The following PRPF3 variants were observed in gnomAD, a reference collection of about 807,000 sequenced individuals.
The protein encoded by PRPF3 is pre-mRNA processing factor 3.
PRPF3 carries 3 observed loss-of-function variants against 89.2 expected under a neutral mutation model. The observed-to-expected ratio is 0.03, with a 90% confidence interval of 0.02 to 0.09. PRPF3 has a LOEUF of 0.09. Among genes scored for constraint, PRPF3 ranks in the 10% least tolerant of loss-of-function variants. The pLI, the probability that PRPF3 is intolerant of heterozygous loss-of-function variation, is 1.00. For synonymous variants in PRPF3, 270 were observed against 289.1 expected, an observed-to-expected ratio of 0.93 and a Z score of 0.67; for missense variants, 463 against 828.8, an observed-to-expected ratio of 0.56 and a Z score of 5.42.
At chr1:150,334,139 T>G in intron 6 of PRPF3, among the ~76,000 whole-genome samples, 1 of 151,942 alleles carries the variant, frequency 6.6e-6, no homozygotes, top group Middle Eastern at 3.4e-3. Context: ...ACCCCATCTC[T>G]CTAAAATATA....
intron 15 of PRPF3, among the ~76,000 whole-genome samples, 197 bp from the exon 16 acceptor site, chr1:150,352,636 G>A (rs1164256954): frequency 1.3e-5 from 2 of 152,212 alleles, no homozygotes; most frequent in Non-Finnish European, 2.9e-5. Context: ...CTGCACTCCA[G>A]CCTGGGCGAC....
chr1:150,344,322 G>C, intron 11 of PRPF3, 61 bp downstream of exon 11: 1 of 1,613,710 alleles, frequency 6.2e-7, no homozygotes, highest in South Asian at 1.1e-5. Context: ...CTCTTCTGGG[G>C]GGTCCATATT....
At chr1:150,346,361 C>A in intron 13 of PRPF3, 47 bp from the exon 14 acceptor site, 1 of 1,551,920 alleles carries the variant, frequency 6.4e-7, no homozygotes, top group Non-Finnish European at 8.9e-7. Flanking sequence ...TCTTTCTACC[C>A]CATCATCTTC....
intron 14 of PRPF3, 99 bp from the exon 15 acceptor site, chr1:150,349,058 A>G: frequency 2.0e-6 from 2 of 1,005,092 alleles, no homozygotes; most frequent in South Asian, 2.6e-5. Context: ...CAACACATAA[A>G]AAGGGTGATA....
At chr1:150,334,818 C>T in intron 6 of PRPF3, 117 bp from the exon 7 acceptor site, 1 of 1,245,778 alleles carries the variant, frequency 8.0e-7, no homozygotes. Flanking sequence ...ATCCCTCTGC[C>T]TTGGCCTCCC....
At chr1:150,340,277 AGGTAT>A in intron 8 of PRPF3, 116 bp from the exon 9 acceptor site, 1 of 718,070 alleles carries the variant, frequency 1.4e-6, no homozygotes, top group Non-Finnish European at 2.5e-6. Context: ...ATGCTATTTT[AGGTAT>A]ATCAAGCACA....
chr1:150,343,569 G>T, intron 10 of PRPF3, 117 bp downstream of exon 10: 1 of 1,392,928 alleles, frequency 7.2e-7, no homozygotes, highest in Non-Finnish European at 9.9e-7. Context: ...ATTATTCTTG[G>T]GGTCCTTTTT....
intron 7 of PRPF3, among the ~76,000 whole-genome samples, chr1:150,337,477 A>T (rs1023742453): frequency 6.6e-5 from 10 of 152,134 alleles, no homozygotes; most frequent in Non-Finnish European, 1.5e-4. Context: ...TTCAGAAATT[A>T]TGAACTTGTT....
chr1:150,349,441 G>A (rs1572286820), intron 15 of PRPF3, among the ~76,000 whole-genome samples: 1 of 152,154 alleles, frequency 6.6e-6, no homozygotes, highest in Non-Finnish European at 1.5e-5. Flanking sequence ...GGGGAAGTGC[G>A]TGGACAGTGC....
intron 7 of PRPF3, 57 bp from the exon 8 acceptor site, chr1:150,338,103 C>T (rs1351590948): frequency 2.6e-6 from 4 of 1,537,022 alleles, no homozygotes; most frequent in Non-Finnish European, 3.6e-6. Flanking sequence ...AGATTCTACA[C>T]ATTCTGTTTT....
chr1:150,336,446 G>C (rs587645779), intron 7 of PRPF3, among the ~76,000 whole-genome samples: 75 of 152,184 alleles, frequency 4.9e-4, no homozygotes, highest in African/African-American at 1.8e-3. Context: ...GGGGACCCCT[G>C]ATTTAAAGCA....
chr1:150,325,825 C>G lies in PRPF3; in HGVS notation c.220C>G (p.Arg74Gly). Residue 74 changes from arginine to glycine, a missense_variant, in exon 3 of 16, where the codon CGA (arginine) becomes GGA (glycine). Arg to Gly is a moderately radical substitution (Grantham distance 125). This residue lies in a region of PRPF3 where 21 missense variants were observed against 16.6 expected (regional missense o/e 1.26). Transcript: ENST00000324862. Reference sequence around the variant, plus strand: ...ACTGTTTGAGGCTGTGGAGGAAGGCCGAAGCTCTAGGCATTCCAAGTCTAG... The same window carrying G: ...ACTGTTTGAGGCTGTGGAGGAAGGCGGAAGCTCTAGGCATTCCAAGTCTAG... ...DKLFEAVEEGRSSRHSKSSSD... is the reference protein window; with the variant it reads ...DKLFEAVEEGGSSRHSKSSSD... The G allele has an allele frequency of 6.2e-7, 1 of 1,613,612 alleles. No homozygotes were observed. The highest frequency in any genetic ancestry group is 8.5e-7 in the Non-Finnish European group (1 of 1,179,784).
At position 150,325,833 on chromosome 1, in the gene PRPF3, T is replaced by C. The variant is rs1655651616; in HGVS notation, c.228T>C (p.Ser76=). ...AGGCTGTGGAGGAAGGCCGAAGCTC[T>C]AGGCATTCCAAGTCTAGCAGTGACA... ...LFEAVEEGRS[S]RHSKSSSDRS... Residue 76 remains serine, a synonymous_variant, in exon 3 of 16, where the codon TCT becomes TCC. Coordinates refer to ENST00000324862, the MANE Select transcript of PRPF3 (RefSeq NM_004698.4). 1 of 1,613,498 alleles carries C rather than the reference T, an allele frequency of 6.2e-7. No individual in the cohort carries two copies. The highest frequency in any genetic ancestry group is 8.5e-7 in the Non-Finnish European group (1 of 1,179,634).
At chr1:150,344,590 A>G in intron 12 of PRPF3, 43 bp downstream of exon 12, 1 of 1,599,596 alleles carries the variant, frequency 6.3e-7, no homozygotes, top group Non-Finnish European at 8.6e-7. Flanking sequence ...AGAATTACTA[A>G]AACATTTTCC....
chr1:150,347,198 C>T (rs1280138380), intron 14 of PRPF3, among the ~76,000 whole-genome samples: 1 of 150,094 alleles, frequency 6.7e-6, no homozygotes, highest in Non-Finnish European at 1.5e-5. Flanking sequence ...CCAAAAAGAT[C>T]TTCAGGTCAA....
At chr1:150,324,721 A>G (rs906554096) in intron 1 of PRPF3, among the ~76,000 whole-genome samples, 174 bp from the exon 2 acceptor site, 3 of 151,490 alleles carry the variant, frequency 2.0e-5, no homozygotes, top group Non-Finnish European at 2.9e-5. Flanking sequence ...ATTTTTTTGT[A>G]TTTTTAGTAG....
chr1:150,352,125 G>A (rs1324504924), intron 15 of PRPF3, among the ~76,000 whole-genome samples: 2 of 152,018 alleles, frequency 1.3e-5, no homozygotes, highest in African/African-American at 4.8e-5. Flanking sequence ...CTCTTCTTCT[G>A]TTCCCCGCCC....
rs184917720 is a variant in PRPF3 at position 150,329,259 on chromosome 1, G to T, written c.423+793G>T. On this transcript the variant is annotated intron_variant, in intron 4 of 15. Coordinates refer to ENST00000324862, the MANE Select transcript of PRPF3 (RefSeq NM_004698.4). ...TGGCCAGGCTGCTCTGGAACTCCTG[G>T]CCTCAAGTGATCTGCCACCTCAGCC... Among the ~76,000 whole-genome samples, 5 of 152,084 alleles carry T rather than the reference G, an allele frequency of 3.3e-5. No homozygotes were observed. The South Asian group carries it at 1.0e-3, about 32-fold the overall frequency.
At chr1:150,325,355 T>C (rs1166500313) in intron 2 of PRPF3, among the ~76,000 whole-genome samples, 1 of 152,196 alleles carries the variant, frequency 6.6e-6, no homozygotes, top group Non-Finnish European at 1.5e-5. Flanking sequence ...GAAGTATGCT[T>C]AAGTCAGATA....
Sources: allele counts gnomAD v4.1 joint callset (sites outside exome capture counted in the v4.1 genomes callset), GRCh38; gene constraint gnomAD v4.1.1; regional missense constraint gnomAD v4.1.1; transcripts MANE v1.5; gene names NCBI Gene and HGNC (gene_info 2026-07-23, HGNC 2026-07-21).